The following EVPLL variants were observed in gnomAD, a reference collection of about 807,000 sequenced individuals.
EVPLL encodes envoplakin-like protein.
Under a neutral mutation model 46.2 loss-of-function variants are expected in EVPLL, and 39 were observed. The observed-to-expected ratio is 0.84, with a 90% CI of 0.65 to 1.10. The LOEUF (loss-of-function observed/expected upper bound fraction) is 1.10, where lower values mean the gene tolerates loss of function less well. Ranked by LOEUF, EVPLL falls within the 50% of genes least tolerant of loss-of-function variation. The pLI, the probability that EVPLL is intolerant of heterozygous loss-of-function variation, is 0.00. For missense variants in EVPLL, 385 were observed against 412.6 expected (o/e 0.93, Z 0.58); for synonymous variants, 156 against 165.8 (o/e 0.94, Z 0.46).
chr17:18,388,544 G>A (rs1188914106), intron 10 of EVPLL: 2 of 272,128 alleles, frequency 7.3e-6, no homozygotes, highest in African/African-American at 2.2e-5. Flanking sequence ...CCAGATGTGT[G>A]AGGCCACATC....
intron 4 of EVPLL, 90 bp from the exon 5 acceptor site, chr17:18,382,423 C>A: frequency 1.3e-6 from 2 of 1,519,806 alleles, no homozygotes; most frequent in East Asian, 2.5e-5. Context: ...GCCCAAATGA[C>A]CAAGTCCACT....
chr17:18,388,115 T>C, intron 9 of EVPLL, 104 bp from the exon 10 acceptor site: 3 of 581,128 alleles, frequency 5.2e-6, no homozygotes, highest in Admixed American at 6.2e-5. Flanking sequence ...CACCTTTAAT[T>C]AATCACAGCC....
intron 9 of EVPLL, among the ~76,000 whole-genome samples, chr17:18,386,117 G>T (rs1381342369): frequency 6.6e-6 from 1 of 152,146 alleles, no homozygotes; most frequent in African/African-American, 2.4e-5. Context: ...CAAGATCAAG[G>T]TGTCGGCAGG....
chr17:18,381,091 G>C lies in EVPLL; in HGVS notation c.63+91G>C. The C allele has an allele frequency of 1.4e-6, 2 of 1,453,442 alleles. No homozygotes were observed. Among genetic ancestry groups the C allele is most frequent in the African/African-American group, 1.4e-5 (1 of 71,006 alleles). The allele number at this position is 1,453,442 out of a possible 1,614,324, so 90.0% of individuals were successfully genotyped here. A position where few individuals can be genotyped will look rare whatever the true frequency, so the allele number is the denominator to read the frequency against. On this transcript the variant is annotated intron_variant, in intron 2 of 10. Transcript: ENST00000399134. The surrounding 1 kb of genome is among the most constrained non-coding windows in gnomAD (Gnocchi z 4.2). ...GCCTGGCACTCCCTGAGTGCCCCCTGGTGATGGTGAAGATGGGACAGATGA... is the reference window on the plus strand; with the variant it reads ...GCCTGGCACTCCCTGAGTGCCCCCTCGTGATGGTGAAGATGGGACAGATGA...
chr17:18,384,304 A>AAAAAAT (rs1339449576), intron 9 of EVPLL, among the ~76,000 whole-genome samples: 3 of 151,892 alleles, frequency 2.0e-5, no homozygotes, highest in Non-Finnish European at 4.4e-5. Context: ...TTGTTTCTAT[A>AAAAAAT]AAAAATAAAA....
In EVPLL at chr17:18,377,947, A is replaced by C; in HGVS notation, c.-73A>C. ...GGGTCCCCCAAGGACTCCCCAGCCAAGGGGTCCCCCAAAGGCTCCCCCAGC... is the reference window on the plus strand; with the variant it reads ...GGGTCCCCCAAGGACTCCCCAGCCACGGGGTCCCCCAAAGGCTCCCCCAGC... On this transcript the variant is annotated 5_prime_UTR_variant, in exon 1 of 11. Coordinates refer to ENST00000399134, the MANE Select transcript of EVPLL (RefSeq NM_001145127.2). The C allele has an allele frequency of 9.2e-7, 1 of 1,081,268 alleles. No individual in the cohort carries two copies. The highest frequency in any genetic ancestry group is 1.3e-6 in the Non-Finnish European group (1 of 781,576). 67.0% of individuals were successfully genotyped at this position (1,081,268 alleles called of 1,614,324 possible).
intron 9 of EVPLL, among the ~76,000 whole-genome samples, chr17:18,384,691 C>G (rs575104382): frequency 6.6e-6 from 1 of 152,016 alleles, no homozygotes; most frequent in African/African-American, 2.4e-5. Context: ...GTGATCACTC[C>G]ACTGCACTCT....
chr17:18,388,230 A>T lies in EVPLL; in HGVS notation c.888A>T (p.Pro296=), dbSNP rs586322. 2.1e-6 allele frequency: 3 copies of T among 1,429,636 alleles called. No homozygotes were observed. The Admixed American group carries it at 6.1e-5, about 29-fold the overall frequency. The allele number at this position is 1,429,636 out of a possible 1,614,324, so 88.6% of individuals were successfully genotyped here. Residue 296 remains proline, a synonymous_variant, in exon 10 of 11, where the codon CCA becomes CCT. Coordinates refer to ENST00000399134, the MANE Select transcript of EVPLL (RefSeq NM_001145127.2). ...CTTTCTTTCCACAGATTCTGTGTCCATCTTCCTCTCCTCATTGACTCTGCA... is the reference window on the plus strand; with the variant it reads ...CTTTCTTTCCACAGATTCTGTGTCCTTCTTCCTCTCCTCATTGACTCTGCA... ...HVEDYSRILC[P]SSSPH
Position 18,381,091 on chromosome 17 carries a change from G to A in EVPLL, c.63+91G>A. On this transcript the variant is annotated intron_variant, in intron 2 of 10. Coordinates refer to ENST00000399134, the MANE Select transcript of EVPLL (RefSeq NM_001145127.2). This position sits in a 1 kb window ranked among gnomAD's most constrained non-coding sequence, Gnocchi z 4.2. ...GCCTGGCACTCCCTGAGTGCCCCCT[G>A]GTGATGGTGAAGATGGGACAGATGA... 6.9e-7 allele frequency: 1 copy of A among 1,453,560 alleles called. No homozygotes were observed. Among genetic ancestry groups the A allele is most frequent in the Non-Finnish European group, 9.4e-7 (1 of 1,061,692 alleles). The allele number at this position is 1,453,560 out of a possible 1,614,324, so 90.0% of individuals were successfully genotyped here. A position where few individuals can be genotyped will look rare whatever the true frequency, so the allele number is the denominator to read the frequency against.
In EVPLL at chr17:18,389,583, T is replaced by C. The variant is rs1383352495; in HGVS notation, c.*767T>C. The C allele has an allele frequency of 9.9e-6, 1 of 100,668 alleles. No individual in the cohort carries two copies. Among genetic ancestry groups the C allele is most frequent in the East Asian group, 2.0e-4 (1 of 4,888 alleles). 6.2% of individuals were successfully genotyped at this position (100,668 alleles called of 1,614,324 possible). A position where few individuals can be genotyped will look rare whatever the true frequency, so the allele number is the denominator to read the frequency against. On this transcript the variant is annotated 3_prime_UTR_variant, in exon 11 of 11. Transcript: ENST00000399134. ...TCCAAACTGTCTTCTGCCCTAGAAT[T>C]TATTCATACTGTTAAATTACCAGTT...
intron 1 of EVPLL, chr17:18,380,370 C>T (rs1987521642): frequency 6.5e-6 from 1 of 153,866 alleles, no homozygotes; most frequent in African/African-American, 2.4e-5. Flanking sequence ...CCCCCGCTCC[C>T]CGACTCTGAC....
At chr17:18,386,801 G>T (rs7222335) in intron 9 of EVPLL, among the ~76,000 whole-genome samples, 1 of 151,756 alleles carries the variant, frequency 6.6e-6, no homozygotes, top group East Asian at 1.9e-4. Context: ...TGGAACAGCC[G>T]GGGTGTTAGG....
At chr17:18,384,604 T>C (rs1320359661) in intron 9 of EVPLL, among the ~76,000 whole-genome samples, 2 of 151,974 alleles carry the variant, frequency 1.3e-5, no homozygotes, top group East Asian at 3.9e-4. Context: ...TAGTGGTGCA[T>C]GCCTGTAGTC....
intron 4 of EVPLL, 149 bp from the exon 5 acceptor site, chr17:18,382,364 T>C (rs181605623): frequency 0.011 from 12,082 of 1,067,500 alleles, 93 homozygotes; most frequent in Non-Finnish European, 0.014. Context: ...TCACCCTGGG[T>C]GAGCTGCAGG....
chr17:18,386,894 ATTTT>A (rs60131387), intron 9 of EVPLL, among the ~76,000 whole-genome samples: 9 of 127,090 alleles, frequency 7.1e-5, no homozygotes, highest in Admixed American at 8.0e-5. Context: ...TTTTTGGTTA[ATTTT>A]TTTTTTTTTT....
chr17:18,384,744 A>G (rs941265273), intron 9 of EVPLL, among the ~76,000 whole-genome samples: 3 of 152,160 alleles, frequency 2.0e-5, no homozygotes, highest in African/African-American at 7.2e-5. Flanking sequence ...AAAACAAAAC[A>G]GAATAGAGCT....
chr17:18,378,953 G>A (rs1265115939), intron 1 of EVPLL, among the ~76,000 whole-genome samples: 1 of 152,144 alleles, frequency 6.6e-6, no homozygotes, highest in Non-Finnish European at 1.5e-5. Flanking sequence ...AGTGGTGCAT[G>A]CCTGTAGTCA....
chr17:18,382,813 T>C lies in EVPLL; in HGVS notation c.473-13T>C, dbSNP rs768020845. The C allele has an allele frequency of 1.2e-6, 2 of 1,612,942 alleles. No individual in the cohort carries two copies. The highest frequency in any genetic ancestry group is 1.7e-6 in the Non-Finnish European group (2 of 1,179,560). On this transcript the variant is annotated splice_polypyrimidine_tract_variant and intron_variant, in intron 5 of 10. Transcript: ENST00000399134. ...ACCTCTCACGGGCTTGTTTCTCCCCTTGGTCAAGGCAGGATGCCGCCACCA... is the reference window on the plus strand; with the variant it reads ...ACCTCTCACGGGCTTGTTTCTCCCCCTGGTCAAGGCAGGATGCCGCCACCA...
At chr17:18,388,698 T>A (rs1315843910) in intron 10 of EVPLL, 159 bp from the exon 11 acceptor site, 1 of 157,110 alleles carries the variant, frequency 6.4e-6, no homozygotes, top group Non-Finnish European at 1.4e-5. Flanking sequence ...TGGGTGCTGA[T>A]GAGGGGAGGG....
Sources: gnomAD v4.1 joint callset for allele counts (sites outside exome capture counted in the v4.1 genomes callset) on GRCh38, gnomAD v4.1.1 for gene constraint, Gnocchi (gnomAD v3.1) non-coding constraint, MANE v1.5 for transcripts, NCBI Gene and HGNC (gene_info 2026-07-23, HGNC 2026-07-21) for gene names.